Variants in KCNN2 observed in about 807,000 individuals in gnomAD.
KCNN2 encodes the protein potassium calcium-activated channel subfamily N member 2.
A neutral mutation model predicts 55.5 loss-of-function variants in KCNN2; 24 were observed. That is an observed-to-expected ratio of 0.43 (90% CI 0.31 to 0.61). The LOEUF is 0.61. Among genes scored for constraint, KCNN2 ranks in the 20% least tolerant of loss-of-function variants. The probability of loss-of-function intolerance (pLI) is 0.08; values close to 1 mark genes in which losing one functional copy is unlikely to be tolerated. For missense variants in KCNN2, 754 were observed against 853.6 expected (o/e 0.88, Z 1.45); for synonymous variants, 431 against 336.1 (o/e 1.28, Z -3.09).
At chr5:114,176,455 A>G in intron 1 of KCNN2, among the ~76,000 whole-genome samples, 1 of 152,178 alleles carries the variant, frequency 6.6e-6, no homozygotes. Context: ...AAGGCTGAAC[A>G]TCTAAGTTTA....
rs372293521 is a variant in KCNN2, at chr5:114,428,077, AT to A, written c.1637+23224del. Among the ~76,000 whole-genome samples the A allele has an allele frequency of 1.5e-3, 235 of 152,248 alleles. 1 individual carries two copies. The highest frequency in any genetic ancestry group is 5.3e-3 in the African/African-American group (220 of 41,566). ...GTTAAGAGTAAGCTGTACTCATTTC[AT>A]TTCATTTAAGAGCGGGTCAAGGATT... On this transcript the variant is annotated intron_variant, in intron 3 of 7. Transcript: ENST00000673685.
intron 3 of KCNN2, among the ~76,000 whole-genome samples, chr5:114,423,604 A>T (rs1759533116): frequency 6.6e-6 from 1 of 152,208 alleles, no homozygotes; most frequent in Non-Finnish European, 1.5e-5. Flanking sequence ...TCTTATTTAC[A>T]AATATATATA....
At chr5:114,086,781 C>G (rs1751026439) in intron 1 of KCNN2, among the ~76,000 whole-genome samples, 1 of 152,068 alleles carries the variant, frequency 6.6e-6, no homozygotes, top group Non-Finnish European at 1.5e-5. Flanking sequence ...GATTTGTTTT[C>G]TTTTGGATAT....
At chr5:114,395,415 C>T (rs141541174) in intron 2 of KCNN2, among the ~76,000 whole-genome samples, 3 of 152,332 alleles carry the variant, frequency 2.0e-5, no homozygotes, top group African/African-American at 4.8e-5. Flanking sequence ...GACTGTTAAC[C>T]ATCACCCTAG....
At position 114,450,805 on chromosome 5, in the gene KCNN2, C is replaced by T. The variant is rs536834532; in HGVS notation, c.1638-12244C>T. 1.1e-4 allele frequency among the ~76,000 whole-genome samples: 16 copies of T among 152,236 alleles called. No individual in the cohort carries two copies. The South Asian group carries it at 1.2e-3, about 12-fold the overall frequency. On this transcript the variant is annotated intron_variant, in intron 3 of 7. Coordinates refer to ENST00000673685, the MANE Select transcript of KCNN2 (RefSeq NM_021614.4). ...GGCCAGGGATGCTGTGTATCTGTTACGCATTTAACAAAACACTGTTCTACA... is the reference window on the plus strand; with the variant it reads ...GGCCAGGGATGCTGTGTATCTGTTATGCATTTAACAAAACACTGTTCTACA...
intron 2 of KCNN2, among the ~76,000 whole-genome samples, chr5:114,262,989 G>C (rs918945188): frequency 1.3e-5 from 2 of 152,096 alleles, no homozygotes; most frequent in African/African-American, 4.8e-5. Flanking sequence ...ATATCAAAAA[G>C]ACCTAATAAA....
chr5:114,201,524 A>C (rs972783935), intron 1 of KCNN2, among the ~76,000 whole-genome samples: 1 of 152,120 alleles, frequency 6.6e-6, no homozygotes, highest in Non-Finnish European at 1.5e-5. Context: ...GTTTCCTAGC[A>C]ACCTAGAGCA....
chr5:114,357,189 A>G (rs1327650034), upstream of KCNN2, among the ~76,000 whole-genome samples: 1 of 152,148 alleles, frequency 6.6e-6, no homozygotes, highest in Non-Finnish European at 1.5e-5. Flanking sequence ...TTTTTAAGGT[A>G]CAACAAAAAG....
intron 1 of KCNN2, among the ~76,000 whole-genome samples, chr5:114,190,084 A>G (rs575069736): frequency 6.6e-6 from 1 of 152,284 alleles, no homozygotes; most frequent in East Asian, 1.9e-4. Context: ...CTTCATCAAA[A>G]TATAAAATAT....
At chr5:114,427,657 G>A (rs1300917134) in intron 3 of KCNN2, among the ~76,000 whole-genome samples, 1 of 152,160 alleles carries the variant, frequency 6.6e-6, no homozygotes, top group African/African-American at 2.4e-5. Context: ...TTTCCTTGCA[G>A]CTGTCAGTAA....
At chr5:114,449,945 G>A (rs1339004024) in intron 3 of KCNN2, among the ~76,000 whole-genome samples, 7 of 149,314 alleles carry the variant, frequency 4.7e-5, no homozygotes, top group Admixed American at 1.3e-4. Flanking sequence ...TCCCTTAGAA[G>A]AGCCCTTAAC....
chr5:114,395,538 T>A (rs1373826975), intron 2 of KCNN2, among the ~76,000 whole-genome samples: 3 of 152,246 alleles, frequency 2.0e-5, no homozygotes, highest in African/African-American at 7.2e-5. Context: ...CTCATTACTT[T>A]AACTCACCTA....
intron 3 of KCNN2, among the ~76,000 whole-genome samples, chr5:114,445,702 C>G (rs1337731567): frequency 2.6e-5 from 4 of 152,188 alleles, no homozygotes. Context: ...ATGCATATCA[C>G]TAAACAATAT....
chr5:114,416,476 G>C (rs1759309052), intron 3 of KCNN2, among the ~76,000 whole-genome samples: 1 of 152,176 alleles, frequency 6.6e-6, no homozygotes, highest in Non-Finnish European at 1.5e-5. Flanking sequence ...GCCATGGGCT[G>C]CTTGACCAAA....
chr5:114,224,256 T>A (rs1453940202), intron 2 of KCNN2, among the ~76,000 whole-genome samples: 1 of 152,200 alleles, frequency 6.6e-6, no homozygotes, highest in East Asian at 1.9e-4. Context: ...AAATAAAACT[T>A]ACTTGTTTTG....
At position 114,172,256 on chromosome 5, in the gene KCNN2, A is replaced by C. The variant is rs567236720; in HGVS notation, c.-270-49224A>C. Among the ~76,000 whole-genome samples the C allele has an allele frequency of 2.0e-5, 3 of 152,154 alleles. No homozygotes were observed. In the South Asian group the frequency reaches 6.2e-4, roughly 32 times the overall value. On this transcript the variant is annotated intron_variant, in intron 1 of 10. Coordinates refer to the KCNN2 transcript ENST00000512097. ...ATTTGGTGCTTATTATGGGCAAAGT[A>C]TCATGCAAAGCACTTAATAAATATT...
chr5:114,362,891 C>T lies in KCNN2; in HGVS notation c.752C>T (p.Ser251Phe). 2 of 1,597,254 alleles carry T rather than the reference C, an allele frequency of 1.3e-6. No individual in the cohort carries two copies. The highest frequency in any genetic ancestry group is 1.7e-6 in the Non-Finnish European group (2 of 1,178,544). The change falls in exon 1 of 8, where the codon TCT (serine) becomes TTT (phenylalanine). Residue 251 changes from serine to phenylalanine, a missense_variant. Transcript: ENST00000673685. ...GCGCAGCCCCTGCAGCCCCCCGCGT[C>T]TGTCGGAGGAGGTGGCGGCGCGTCC... Reference protein sequence around the residue: ...SEAQPLQPPASVGGGGGASSP... With the variant: ...SEAQPLQPPAFVGGGGGASSP...
At chr5:114,086,647 G>T (rs575684322) in intron 1 of KCNN2, among the ~76,000 whole-genome samples, 1 of 151,988 alleles carries the variant, frequency 6.6e-6, no homozygotes, top group South Asian at 2.1e-4. Context: ...ATCCCACGAT[G>T]TGTAAGAACC....
chr5:114,345,929 C>T (rs1757096838), intron 2 of KCNN2, among the ~76,000 whole-genome samples: 1 of 152,102 alleles, frequency 6.6e-6, no homozygotes, highest in African/African-American at 2.4e-5. Flanking sequence ...TACAGGCATG[C>T]GCTGCTGTGC....
Sources: allele counts gnomAD v4.1 joint callset (sites outside exome capture counted in the v4.1 genomes callset), GRCh38; gene constraint gnomAD v4.1.1; transcripts MANE v1.5; gene names NCBI Gene and HGNC (gene_info 2026-07-23, HGNC 2026-07-21).